Variants in STEAP1B observed in about 807,000 individuals in gnomAD.
STEAP1B encodes STEAP family member 1B, also known as STEAP family protein MGC87042.
A neutral mutation model predicts 27.9 loss-of-function variants in STEAP1B; 13 were observed. That is an observed-to-expected ratio of 0.47 (90% CI 0.30 to 0.74). STEAP1B has a LOEUF of 0.74. Among genes scored for constraint, STEAP1B ranks in the 30% least tolerant of loss-of-function variants. The probability of loss-of-function intolerance (pLI) is 0.06; values close to 1 mark genes in which losing one functional copy is unlikely to be tolerated. For synonymous variants in STEAP1B, 86 were observed against 107.1 expected (o/e 0.80, Z 1.22); for missense variants, 250 against 298.7 (o/e 0.84, Z 1.20).
intron 4 of STEAP1B, among the ~76,000 whole-genome samples, chr7:22,439,928 C>G (rs2528846): frequency 2.0e-5 from 3 of 151,862 alleles, no homozygotes; most frequent in South Asian, 4.1e-4. Context: ...TCAGCTTGGG[C>G]GTACACATTT....
intron 4 of STEAP1B, among the ~76,000 whole-genome samples, chr7:22,469,561 T>C (rs1785844159): frequency 6.6e-6 from 1 of 152,228 alleles, no homozygotes; most frequent in Admixed American, 6.5e-5. Flanking sequence ...GTACCATTTT[T>C]ATTCTTTTAC....
intron 4 of STEAP1B, among the ~76,000 whole-genome samples, chr7:22,429,363 T>G (rs775074900): frequency 1.3e-5 from 2 of 152,212 alleles, no homozygotes; most frequent in Middle Eastern, 3.2e-3. Context: ...CTAGAGCTAC[T>G]TGTATCAACA....
chr7:22,458,938 A>G (rs1254510934), intron 4 of STEAP1B, among the ~76,000 whole-genome samples: 2 of 152,150 alleles, frequency 1.3e-5, no homozygotes, highest in African/African-American at 2.4e-5. Flanking sequence ...TTGATAACAA[A>G]TAAGTATCTT....
intron 4 of STEAP1B, among the ~76,000 whole-genome samples, chr7:22,422,747 G>A (rs1299695110): frequency 6.6e-6 from 1 of 152,000 alleles, no homozygotes; most frequent in Admixed American, 6.6e-5. Context: ...CACCTGCCTC[G>A]GCCTCCTAAA....
intron 1 of STEAP1B, 57 bp downstream of exon 1, chr7:22,500,057 G>C (rs1156268600): frequency 1.3e-5 from 2 of 152,798 alleles, no homozygotes; most frequent in Non-Finnish European, 2.9e-5. Context: ...GCCTTGCAGG[G>C]ACACGCAGGC....
intron 4 of STEAP1B, among the ~76,000 whole-genome samples, chr7:22,455,422 C>T (rs575018580): frequency 1.3e-4 from 20 of 152,268 alleles, no homozygotes; most frequent in African/African-American, 4.6e-4. Context: ...TTTAGACATT[C>T]TGGTGAGTAT....
At chr7:22,461,670 T>C (rs1173628950) in intron 4 of STEAP1B, among the ~76,000 whole-genome samples, 3 of 152,202 alleles carry the variant, frequency 2.0e-5, no homozygotes, top group African/African-American at 7.2e-5. Context: ...TTTCAGAATA[T>C]TGGATTACAC....
chr7:22,430,366 G>A (rs557016938), intron 4 of STEAP1B, among the ~76,000 whole-genome samples: 4 of 152,274 alleles, frequency 2.6e-5, no homozygotes, highest in African/African-American at 9.6e-5. Flanking sequence ...GGAACTAATA[G>A]AACAACTATT....
intron 4 of STEAP1B, among the ~76,000 whole-genome samples, chr7:22,444,694 G>C (rs1785382887): frequency 6.6e-6 from 1 of 152,214 alleles, no homozygotes; most frequent in Non-Finnish European, 1.5e-5. Flanking sequence ...AACAGGTTTT[G>C]ATCTCAGGCT....
rs187997209 is a variant in STEAP1B, at chr7:22,499,142, C to G, written c.-32+972G>C. On this transcript the variant is annotated intron_variant, in intron 1 of 4. Coordinates refer to ENST00000678116, the MANE Select transcript of STEAP1B (RefSeq NM_001382447.1). ...ATTCGACCCAAAGTTCTCTTTCACC[C>G]GCTTTTAAAAAAGTGGAGCACATTT... Among the ~76,000 whole-genome samples, 3 of 152,308 alleles carry G rather than the reference C, an allele frequency of 2.0e-5. No individual in the cohort carries two copies. The East Asian group carries it at 5.8e-4, about 29-fold the overall frequency.
intron 4 of STEAP1B, among the ~76,000 whole-genome samples, chr7:22,446,556 G>C (rs1024103631): frequency 2.0e-5 from 3 of 152,246 alleles, no homozygotes; most frequent in African/African-American, 7.2e-5. Context: ...TTACAAGCAA[G>C]TTGTGCAAAC....
intron 4 of STEAP1B, among the ~76,000 whole-genome samples, chr7:22,420,565 C>A (rs1456043611): frequency 6.6e-6 from 1 of 152,198 alleles, no homozygotes; most frequent in Non-Finnish European, 1.5e-5. Flanking sequence ...CTTTGTTCTT[C>A]CAGAGAGCTG....
intron 4 of STEAP1B, among the ~76,000 whole-genome samples, chr7:22,424,834 A>G (rs969958563): frequency 1.3e-5 from 2 of 152,080 alleles, no homozygotes; most frequent in Non-Finnish European, 2.9e-5. Flanking sequence ...TAATATGGGA[A>G]AATACTTGAG....
chr7:22,492,349 G>GAAAAAAAAAAAAAAAATA (rs1371957621), intron 4 of STEAP1B: 1 of 185,132 alleles, frequency 5.4e-6, no homozygotes, highest in Non-Finnish European at 9.1e-6. Flanking sequence ...AAAAAAAAAG[G>GAAAAAAAAAAAAAAAATA]ATATTTTAAT....
chr7:22,457,613 T>G (rs1785608875), intron 4 of STEAP1B, among the ~76,000 whole-genome samples: 1 of 152,268 alleles, frequency 6.6e-6, no homozygotes, highest in Non-Finnish European at 1.5e-5. Context: ...CACTGTAAGA[T>G]GTGAAGTCAT....
intron 4 of STEAP1B, among the ~76,000 whole-genome samples, chr7:22,442,650 C>T (rs774433666): frequency 9.8e-5 from 15 of 152,312 alleles, no homozygotes; most frequent in Middle Eastern, 3.4e-3. Flanking sequence ...CTGACGATGC[C>T]TTTGACAGAG....
intron 4 of STEAP1B, among the ~76,000 whole-genome samples, chr7:22,442,659 A>G (rs1785351785): frequency 6.6e-6 from 1 of 152,200 alleles, no homozygotes; most frequent in Non-Finnish European, 1.5e-5. Flanking sequence ...CCTTTGACAG[A>G]GTTGGAATCT....
At chr7:22,465,702 CA>C (rs1301024443) in intron 4 of STEAP1B, among the ~76,000 whole-genome samples, 2 of 152,134 alleles carry the variant, frequency 1.3e-5, no homozygotes, top group Admixed American at 1.3e-4. Flanking sequence ...CCAGAGCCAG[CA>C]AAAGAGACAT....
chr7:22,466,021 G>A (rs953497629), intron 4 of STEAP1B, among the ~76,000 whole-genome samples: 2 of 152,140 alleles, frequency 1.3e-5, no homozygotes, highest in South Asian at 2.1e-4. Flanking sequence ...TCATTCCCTA[G>A]TGCAGAACAC....
Sources: gnomAD v4.1 joint callset for allele counts (sites outside exome capture counted in the v4.1 genomes callset) on GRCh38, gnomAD v4.1.1 for gene constraint, MANE v1.5 for transcripts, NCBI Gene and HGNC (gene_info 2026-07-23, HGNC 2026-07-21) for gene names.